Variants in ABCC3 observed in about 807,000 individuals in gnomAD.
ABCC3 encodes ATP binding cassette subfamily C member 3.
A neutral mutation model predicts 165.3 loss-of-function variants in ABCC3; 121 were observed. That is an observed-to-expected ratio of 0.73 (90% CI 0.63 to 0.85). ABCC3 has a LOEUF of 0.85. ABCC3 is among the 40% of genes least tolerant of loss of function. The pLI is 0.00. For missense variants in ABCC3, 1,869 were observed against 1,964.1 expected (o/e 0.95, Z 0.92); for synonymous variants, 733 against 810.1 (o/e 0.90, Z 1.62).
chr17:50,686,354 G>A (rs1558288), intron 29 of ABCC3, among the ~76,000 whole-genome samples: 25,730 of 152,118 alleles, frequency 0.17, 2,282 homozygotes, highest in African/African-American at 0.2. Flanking sequence ...GGGGCAGAGC[G>A]GGGACTCTGG....
intron 1 of ABCC3, among the ~76,000 whole-genome samples, chr17:50,650,145 G>T (rs752842581): frequency 6.6e-6 from 1 of 152,066 alleles, no homozygotes; most frequent in East Asian, 1.9e-4. Flanking sequence ...AGCTCTTATC[G>T]CCCAGGCTGG....
chr17:50,677,668 G>T, intron 23 of ABCC3, 76 bp from the exon 24 acceptor site: 1 of 1,405,496 alleles, frequency 7.1e-7, no homozygotes, highest in Non-Finnish European at 9.9e-7. Context: ...ATCTGAAAAT[G>T]GATGAGTTCA....
intron 1 of ABCC3, 65 bp from the exon 2 acceptor site, chr17:50,655,767 T>C: frequency 6.7e-7 from 1 of 1,494,610 alleles, no homozygotes; most frequent in Non-Finnish European, 9.2e-7. Context: ...CTAAGCCATC[T>C]TCCTCAAGGC....
intron 10 of ABCC3, 173 bp downstream of exon 10, chr17:50,664,284 T>C (rs994924677): frequency 2.0e-5 from 16 of 798,256 alleles, no homozygotes; most frequent in African/African-American, 6.9e-5. Context: ...GCGCCACGAT[T>C]GTGCCTGCGA....
At position 50,669,271 on chromosome 17, in the gene ABCC3, G is replaced by C. The variant is rs759058818; in HGVS notation, c.2064+5G>C. 1.2e-6 allele frequency: 2 copies of C among 1,614,122 alleles called. No individual in the cohort carries two copies. The highest frequency in any genetic ancestry group is 1.7e-6 in the Non-Finnish European group (2 of 1,180,014). On this transcript the variant is annotated splice_donor_5th_base_variant and intron_variant, in intron 16 of 30. Transcript: ENST00000285238. ...GAAGGCAAAGTGCACATGAAGGTGA[G>C]AGAGGCAGGGGCTCCTGGGCAGGGT...
chr17:50,687,487 G>A (rs543699297), intron 29 of ABCC3, 49 bp from the exon 30 acceptor site: 1 of 1,577,882 alleles, frequency 6.3e-7, no homozygotes, highest in Non-Finnish European at 8.6e-7. Flanking sequence ...GAGGCCCAGA[G>A]GCAGGTGGGA....
At chr17:50,662,639 A>AC (rs1967418011) in intron 8 of ABCC3, among the ~76,000 whole-genome samples, 1 of 139,136 alleles carries the variant, frequency 7.2e-6, no homozygotes, top group African/African-American at 2.7e-5. Flanking sequence ...CCCTGTCTCA[A>AC]AAAAAAAAAA....
At chr17:50,687,448 C>T in intron 29 of ABCC3, 88 bp from the exon 30 acceptor site, 1 of 1,329,052 alleles carries the variant, frequency 7.5e-7, no homozygotes, top group Non-Finnish European at 1.0e-6. Context: ...CAGTCCTGGG[C>T]CACTGAGGAG....
At chr17:50,648,410 T>A (rs1967046418) in intron 1 of ABCC3, among the ~76,000 whole-genome samples, 1 of 152,118 alleles carries the variant, frequency 6.6e-6, no homozygotes, top group Non-Finnish European at 1.5e-5. Flanking sequence ...CTTATCCATC[T>A]CCTCTCAAAG....
At position 50,675,875 on chromosome 17, in the gene ABCC3, C is replaced by T. The variant is rs1286644199; in HGVS notation, c.2860-8C>T. The T allele has an allele frequency of 1.2e-6, 2 of 1,613,970 alleles. No individual in the cohort carries two copies. Among genetic ancestry groups the T allele is most frequent in the African/African-American group, 1.3e-5 (1 of 75,040 alleles). On this transcript the variant is annotated splice_polypyrimidine_tract_variant and splice_region_variant and intron_variant, in intron 21 of 30. Coordinates refer to ENST00000285238, the MANE Select transcript of ABCC3 (RefSeq NM_003786.4). Reference sequence around the variant, plus strand: ...CCTGTCCCTGACTGCCATGGCTGCTCCCTACAGGTGGAGCTCAGTGTGTTC... The same window carrying T: ...CCTGTCCCTGACTGCCATGGCTGCTTCCTACAGGTGGAGCTCAGTGTGTTC...
In ABCC3 at chr17:50,691,301, G is replaced by A. The variant is rs931792903; in HGVS notation, c.*101G>A. ...AATGGACTTGATAGCAAACACTGGGGGCACCTTAAGATTTTGCACCTGTAA... is the reference window on the plus strand; with the variant it reads ...AATGGACTTGATAGCAAACACTGGGAGCACCTTAAGATTTTGCACCTGTAA... On this transcript the variant is annotated 3_prime_UTR_variant, in exon 31 of 31. Coordinates refer to ENST00000285238, the MANE Select transcript of ABCC3 (RefSeq NM_003786.4). 2.2e-6 allele frequency: 2 copies of A among 913,186 alleles called. No homozygotes were observed. The highest frequency in any genetic ancestry group is 2.7e-5 in the East Asian group (1 of 37,544). The allele number at this position is 913,186 out of a possible 1,614,324, so 56.6% of individuals were successfully genotyped here. A position where few individuals can be genotyped will look rare whatever the true frequency, so the allele number is the denominator to read the frequency against.
chr17:50,679,736 C>A, intron 25 of ABCC3, 62 bp from the exon 26 acceptor site: 1 of 1,507,534 alleles, frequency 6.6e-7, no homozygotes, highest in South Asian at 1.1e-5. Context: ...CTGAACTCCT[C>A]CCAAAGCCAT....
intron 11 of ABCC3, among the ~76,000 whole-genome samples, chr17:50,667,031 G>T (rs957018069): frequency 2.0e-5 from 3 of 152,136 alleles, no homozygotes; most frequent in African/African-American, 7.2e-5. Flanking sequence ...ATCAGCCTGG[G>T]CAACAGAGTG....
At chr17:50,665,596 A>C (rs1967506377) in intron 11 of ABCC3, among the ~76,000 whole-genome samples, 1 of 148,798 alleles carries the variant, frequency 6.7e-6, no homozygotes, top group Non-Finnish European at 1.5e-5. Context: ...CATTTCTTGA[A>C]GTGTTTTTTT....
At position 50,676,561 on chromosome 17, in the gene ABCC3, C is replaced by G. The variant is rs373301548; in HGVS notation, c.3351C>G (p.Pro1117=). 2 of 1,612,794 alleles carry G rather than the reference C, an allele frequency of 1.2e-6. No homozygotes were observed. Among genetic ancestry groups the G allele is most frequent in the East Asian group, 2.2e-5 (1 of 44,872 alleles). ...STPLFTVVIL[P]LAVLYTLVQR... ...CGCTCTTCACTGTGGTCATCCTGCC[C>G]CTGGCTGTGCTCTACACCTTAGTGC... Residue 1117 remains proline (P), a synonymous_variant, in exon 23 of 31, where the codon CCC becomes CCG. Transcript: ENST00000285238.
In ABCC3 at chr17:50,654,311, C is replaced by T. The variant is rs143804565; in HGVS notation, c.46-1521C>T. On this transcript the variant is annotated intron_variant, in intron 1 of 30. Transcript: ENST00000285238. ...AAAACATCTAATGCTTTGCAAAGAA[C>T]ATAAGAAACAGATTAGTACATTAGT... Among the ~76,000 whole-genome samples, 47 of 152,214 alleles carry T rather than the reference C, an allele frequency of 3.1e-4. No homozygotes were observed. In the East Asian group the frequency reaches 9.1e-3, roughly 29 times the overall value.
chr17:50,636,369 T>TAAAA (rs4148406), intron 1 of ABCC3, among the ~76,000 whole-genome samples: 3 of 145,440 alleles, frequency 2.1e-5, no homozygotes, highest in African/African-American at 7.5e-5. Context: ...GCAATGGAGG[T>TAAAA]AAAAAAAAAA....
rs150634446 is a variant in ABCC3, at chr17:50,684,358, A to G, written c.4113+251A>G. ...CAGCACATGGGGAAGGACCCCTCCA[A>G]GAACCCCTTCCCCCGAGACATTCTG... is the stretch of plus-strand genomic sequence containing the variant. On this transcript the variant is annotated intron_variant, in intron 28 of 30. Coordinates refer to ENST00000285238, the MANE Select transcript of ABCC3 (RefSeq NM_003786.4). 3.3e-5 allele frequency among the ~76,000 whole-genome samples: 5 copies of G among 152,228 alleles called. No homozygotes were observed. In the East Asian group the frequency reaches 9.7e-4, roughly 29 times the overall value.
At chr17:50,666,459 G>T (rs757970628) in intron 11 of ABCC3, among the ~76,000 whole-genome samples, 1 of 151,666 alleles carries the variant, frequency 6.6e-6, no homozygotes, top group Non-Finnish European at 1.5e-5. Context: ...CAACAAGAGC[G>T]AAACTCCGTC....
Sources: allele counts gnomAD v4.1 joint callset (sites outside exome capture counted in the v4.1 genomes callset), GRCh38; gene constraint gnomAD v4.1.1; transcripts MANE v1.5; gene names NCBI Gene and HGNC (gene_info 2026-07-23, HGNC 2026-07-21).